Variants in LHFPL3 observed in about 807,000 individuals in gnomAD.
LHFPL3 encodes the protein LHFPL tetraspan subfamily member 3 protein.
Under a neutral mutation model 19.3 loss-of-function variants are expected in LHFPL3, and 5 were observed. That is an observed-to-expected ratio of 0.26 (90% CI 0.14 to 0.54). The LOEUF is 0.54. Among genes scored for constraint, LHFPL3 ranks in the 20% least tolerant of loss-of-function variants. The pLI, the probability that LHFPL3 is intolerant of heterozygous loss-of-function variation, is 0.94. For synonymous variants in LHFPL3, 133 were observed against 126.2 expected (o/e 1.05, Z -0.36); for missense variants, 249 against 307.4 (o/e 0.81, Z 1.42).
intron 1 of LHFPL3, among the ~76,000 whole-genome samples, chr7:104,619,140 A>C (rs1231559346): frequency 6.6e-6 from 1 of 152,198 alleles, no homozygotes; most frequent in Admixed American, 6.5e-5. Flanking sequence ...ATTTTGTTAG[A>C]TATAAATGAC....
intron 1 of LHFPL3, among the ~76,000 whole-genome samples, chr7:104,429,170 G>GA (rs200200215): frequency 6.6e-6 from 1 of 151,088 alleles, no homozygotes; most frequent in African/African-American, 2.4e-5. Context: ...TAAACTAAAG[G>GA]AAAAAAAATT....
intron 2 of LHFPL3, among the ~76,000 whole-genome samples, chr7:104,845,866 T>C (rs1791303544): frequency 6.6e-6 from 1 of 152,236 alleles, no homozygotes; most frequent in African/African-American, 2.4e-5. Flanking sequence ...CACCCTTTGG[T>C]GGATTACGGC....
At chr7:104,453,932 A>G (rs1792493181) in intron 1 of LHFPL3, among the ~76,000 whole-genome samples, 1 of 152,168 alleles carries the variant, frequency 6.6e-6, no homozygotes, top group Non-Finnish European at 1.5e-5. Flanking sequence ...AGATGCCAGC[A>G]CTGTGCTTCC....
intron 2 of LHFPL3, among the ~76,000 whole-genome samples, chr7:104,898,692 T>C (rs1313778701): frequency 6.6e-6 from 1 of 152,106 alleles, no homozygotes; most frequent in Non-Finnish European, 1.5e-5. Context: ...CGGTGGTTCA[T>C]GCCTGTAATC....
chr7:104,436,422 C>T (rs933674957), intron 1 of LHFPL3, among the ~76,000 whole-genome samples: 4 of 152,156 alleles, frequency 2.6e-5, no homozygotes, highest in African/African-American at 9.7e-5. Context: ...TTAATCATGG[C>T]AGAACCAGGA....
At chr7:104,516,042 C>T (rs1464530433) in intron 1 of LHFPL3, among the ~76,000 whole-genome samples, 1 of 151,994 alleles carries the variant, frequency 6.6e-6, no homozygotes, top group Non-Finnish European at 1.5e-5. Flanking sequence ...TCTCATGCTA[C>T]TAATAAAGAC....
intron 1 of LHFPL3, among the ~76,000 whole-genome samples, chr7:104,474,687 C>CAAAAAAAAAAAAAAAA (rs928431129): frequency 2.4e-5 from 1 of 41,046 alleles, no homozygotes; most frequent in East Asian, 5.2e-4. Flanking sequence ...ACAACAACAA[C>CAAAAAAAAAAAAAAAA]AAAAAAAAAA....
chr7:104,340,050 G>T (rs1789915385), intron 1 of LHFPL3, among the ~76,000 whole-genome samples: 1 of 152,208 alleles, frequency 6.6e-6, no homozygotes, highest in South Asian at 2.1e-4. Context: ...TCAGGGTGAG[G>T]AAGAGAAGCT....
At chr7:104,462,633 A>C (rs878997940) in intron 1 of LHFPL3, among the ~76,000 whole-genome samples, 1 of 152,158 alleles carries the variant, frequency 6.6e-6, no homozygotes, top group African/African-American at 2.4e-5. Flanking sequence ...TGCTGGATTC[A>C]GTTTGCAAGT....
chr7:104,332,797 C>A (rs1054392533), intron 1 of LHFPL3, among the ~76,000 whole-genome samples: 1 of 152,038 alleles, frequency 6.6e-6, no homozygotes, highest in African/African-American at 2.4e-5. Context: ...GAATTAGGAG[C>A]TAATATATCA....
chr7:104,526,316 C>G lies in LHFPL3; in HGVS notation c.445+197092C>G, dbSNP rs9656096. 2.9e-3 allele frequency among the ~76,000 whole-genome samples: 436 copies of G among 152,300 alleles called. 3 individuals carry two copies. The highest frequency in any genetic ancestry group is 0.01 in the African/African-American group (419 of 41,568). ...CAAACAAAATATAACCACACAAGAGCCTCATCTAGGACTTGTGATTCCATG... is the reference window on the plus strand; with the variant it reads ...CAAACAAAATATAACCACACAAGAGGCTCATCTAGGACTTGTGATTCCATG... On this transcript the variant is annotated intron_variant, in intron 1 of 2. Transcript: ENST00000424859.
chr7:104,484,986 C>A (rs1376320769), intron 1 of LHFPL3, among the ~76,000 whole-genome samples: 1 of 152,122 alleles, frequency 6.6e-6, no homozygotes, highest in Non-Finnish European at 1.5e-5. Context: ...GGGACACATT[C>A]CAAGCATAGC....
chr7:104,819,836 A>C (rs573630927), intron 2 of LHFPL3, among the ~76,000 whole-genome samples: 1 of 152,220 alleles, frequency 6.6e-6, no homozygotes, highest in Admixed American at 6.5e-5. Context: ...CAATTTATCA[A>C]GGCTTCAAAT....
chr7:104,791,776 C>A (rs1226027653), intron 2 of LHFPL3, among the ~76,000 whole-genome samples: 2 of 152,092 alleles, frequency 1.3e-5, no homozygotes, highest in African/African-American at 4.8e-5. Context: ...ATTGTTCCCC[C>A]AGGGGTGCAG....
intron 1 of LHFPL3, among the ~76,000 whole-genome samples, chr7:104,421,629 C>A (rs41389845): frequency 0.098 from 14,981 of 152,156 alleles, 813 homozygotes; most frequent in African/African-American, 0.13. Context: ...GCTGTCAACA[C>A]TGGAGATTCC....
intron 1 of LHFPL3, among the ~76,000 whole-genome samples, chr7:104,683,084 G>A (rs975186774): frequency 6.6e-6 from 1 of 152,170 alleles, no homozygotes; most frequent in Non-Finnish European, 1.5e-5. Context: ...CCACCTCCCG[G>A]GTTCAAGCAA....
intron 2 of LHFPL3, among the ~76,000 whole-genome samples, chr7:104,883,996 T>C (rs757877179): frequency 6.6e-6 from 1 of 152,164 alleles, no homozygotes; most frequent in Non-Finnish European, 1.5e-5. Context: ...CGTGTGGATA[T>C]GGAATCACAC....
chr7:104,551,909 T>C (rs1794668684), intron 1 of LHFPL3, among the ~76,000 whole-genome samples: 1 of 152,220 alleles, frequency 6.6e-6, no homozygotes, highest in South Asian at 2.1e-4. Context: ...ACTTGTTTCA[T>C]GGTGTGCTCT....
chr7:104,905,644 T>A (rs1792582734), intron 2 of LHFPL3, among the ~76,000 whole-genome samples: 1 of 152,228 alleles, frequency 6.6e-6, no homozygotes, highest in African/African-American at 2.4e-5. Flanking sequence ...TAATGTAATG[T>A]TTAAATGTTT....
Sources: allele counts gnomAD v4.1 joint callset (sites outside exome capture counted in the v4.1 genomes callset), GRCh38; gene constraint gnomAD v4.1.1; transcripts MANE v1.5; gene names NCBI Gene and HGNC (gene_info 2026-07-23, HGNC 2026-07-21).